MYOT: variants seen among roughly 807,000 people sequenced by gnomAD.
MYOT encodes 57 kDa cytoskeletal protein.
A neutral mutation model predicts 58.0 loss-of-function variants in MYOT; 36 were observed. The ratio of observed to expected loss-of-function variants is 0.62; its 90% CI spans 0.48 to 0.82. The LOEUF is 0.82. Among genes scored for constraint, MYOT ranks in the 40% least tolerant of loss-of-function variants. The pLI is 0.00. For synonymous variants in MYOT, 218 were observed against 204.6 expected (o/e 1.07, Z -0.56); for missense variants, 505 against 592.1 (o/e 0.85, Z 1.53).
At chr5:137,878,481 C>T (rs985185860) in intron 4 of MYOT, among the ~76,000 whole-genome samples, 3 of 152,050 alleles carry the variant, frequency 2.0e-5, no homozygotes, top group Admixed American at 6.6e-5. Flanking sequence ...TGAGCCACCA[C>T]GCCTGGCCTC....
chr5:137,871,209 T>TGTCC (rs1277725397), intron 2 of MYOT, among the ~76,000 whole-genome samples: 3 of 152,208 alleles, frequency 2.0e-5, no homozygotes, highest in African/African-American at 2.4e-5. Context: ...TATTCTCCAG[T>TGTCC]GTCCAAGCTG....
At chr5:137,885,983 C>T (rs931430739) in intron 7 of MYOT, 65 bp from the exon 8 acceptor site, 73 of 1,106,058 alleles carry the variant, frequency 6.6e-5, no homozygotes, top group Non-Finnish European at 4.1e-5. Flanking sequence ...TTCATAATAC[C>T]TTGGTTTGAT....
At chr5:137,874,353 G>C (rs2149981036) in intron 2 of MYOT, among the ~76,000 whole-genome samples, 1 of 152,264 alleles carries the variant, frequency 6.6e-6, no homozygotes, top group East Asian at 1.9e-4. Flanking sequence ...TGTAATCCCA[G>C]CTACTTGGGA....
intron 7 of MYOT, among the ~76,000 whole-genome samples, 187 bp from the exon 8 acceptor site, chr5:137,885,856 TCATTA>T (rs1755583194): frequency 1.4e-5 from 2 of 147,382 alleles, no homozygotes; most frequent in East Asian, 2.2e-4. Context: ...ATTCAATGCA[TCATTA>T]CATTAGAGTT....
chr5:137,886,679 G>A (rs1435435913), intron 8 of MYOT, 185 bp from the exon 9 acceptor site: 2 of 633,550 alleles, frequency 3.2e-6, no homozygotes, highest in Non-Finnish European at 5.8e-6. Flanking sequence ...AGATTGAAGA[G>A]CAGAGGGAGA....
chr5:137,869,404 A>C (rs1754970234), intron 1 of MYOT, among the ~76,000 whole-genome samples: 2 of 152,232 alleles, frequency 1.3e-5, no homozygotes, highest in African/African-American at 4.8e-5. Context: ...TGGAAAAAAA[A>C]TCAGAGACAA....
Position 137,870,561 on chromosome 5 carries a change from A to C in MYOT, c.-91A>C. The C allele has an allele frequency of 8.7e-7, 1 of 1,148,498 alleles. No homozygotes were observed. The allele number at this position is 1,148,498 out of a possible 1,614,324, so 71.1% of individuals were successfully genotyped here. A position where few individuals can be genotyped will look rare whatever the true frequency, so the allele number is the denominator to read the frequency against. ...ATTCCTTACAACCTTCCGTAATTCCAGGCTTGTGGCCCCAAATTCAGGGCC... is the reference window on the plus strand; with the variant it reads ...ATTCCTTACAACCTTCCGTAATTCCCGGCTTGTGGCCCCAAATTCAGGGCC... On this transcript the variant is annotated 5_prime_UTR_variant, in exon 2 of 10. Transcript: ENST00000239926.
intron 8 of MYOT, among the ~76,000 whole-genome samples, 154 bp downstream of exon 8, chr5:137,886,367 G>A (rs1351883473): frequency 6.6e-6 from 1 of 151,986 alleles, no homozygotes; most frequent in African/African-American, 2.4e-5. Context: ...AGATAAAAAT[G>A]TAAGAAAACT....
chr5:137,873,677 T>C (rs1327999978), intron 2 of MYOT, among the ~76,000 whole-genome samples: 2 of 152,314 alleles, frequency 1.3e-5, no homozygotes, highest in East Asian at 1.9e-4. Context: ...TTAAAAAACA[T>C]TTTGTTTGGC....
intron 6 of MYOT, 90 bp downstream of exon 6, chr5:137,882,195 AAGC>A: frequency 7.1e-6 from 10 of 1,414,216 alleles, no homozygotes; most frequent in Non-Finnish European, 1.0e-5. Context: ...ATAGCTTGCA[AAGC>A]AGTACGTACA....
rs1755502108 is a variant in MYOT, at chr5:137,883,456, A to G, written c.889A>G (p.Lys297Glu). Residue 297 changes from lysine (K) to glutamate (E), a missense_variant, in exon 7 of 10, where the codon AAA becomes GAA. By Grantham distance (56) the Lys-to-Glu change is moderately conservative. Transcript: ENST00000239926. ...AACAGTTCAATCAGATGATTTGCAC[A>G]AAATGATAGTGTCTGAGAAGGGTCT... ...GRTVQSDDLH[K>E]MIVSEKGLHS... is the part of the protein sequence containing the mutation. 2 of 1,614,046 alleles carry G rather than the reference A, an allele frequency of 1.2e-6. No individual in the cohort carries two copies. The highest frequency in any genetic ancestry group is 2.7e-5 in the African/African-American group (2 of 74,912).
intron 5 of MYOT, among the ~76,000 whole-genome samples, chr5:137,881,758 G>A (rs1755438260): frequency 6.6e-6 from 1 of 151,726 alleles, no homozygotes; most frequent in Admixed American, 6.6e-5. Context: ...GTGCAGCGAC[G>A]CGATCTCGGC....
chr5:137,883,189 A>C, intron 6 of MYOT, 195 bp from the exon 7 acceptor site: 2 of 583,416 alleles, frequency 3.4e-6, no homozygotes, highest in Non-Finnish European at 6.1e-6. Context: ...ACAGTCTAAA[A>C]ATACTATGTT....
At position 137,880,797 on chromosome 5, in the gene MYOT, A is replaced by T; in HGVS notation, c.634-19A>T. The T allele has an allele frequency of 1.2e-6, 2 of 1,600,216 alleles. No individual in the cohort carries two copies. The highest frequency in any genetic ancestry group is 1.7e-6 in the Non-Finnish European group (2 of 1,167,548). ...CTAACAATTGCATGTAAACATTCTT[A>T]CTTTGTTTTAATTTCAAGCAACACA... On this transcript the variant is annotated intron_variant, in intron 4 of 9. Transcript: ENST00000239926.
In MYOT at chr5:137,886,175, A is replaced by G. The variant is rs199541037; in HGVS notation, c.1152A>G (p.Arg384=). The change falls in exon 8 of 10, where the codon AGA becomes AGG. Residue 384 remains arginine, a synonymous_variant. Transcript: ENST00000239926. The stretch of plus-strand genomic sequence containing the variant: ...CTCCACCAAAGCTTTTCTGGAAAAG[A>G]AATAATGAAATGGTACAATTCAACA... The part of the protein sequence containing the change: ...AIPPPKLFWK[R]NNEMVQFNTD... 113 of 1,612,244 alleles carry G rather than the reference A, an allele frequency of 7.0e-5. No homozygotes were observed. The highest frequency in any genetic ancestry group is 9.2e-5 in the Non-Finnish European group (109 of 1,178,660).
intron 2 of MYOT, among the ~76,000 whole-genome samples, chr5:137,872,308 C>T (rs1755075856): frequency 6.6e-6 from 1 of 152,078 alleles, no homozygotes; most frequent in Admixed American, 6.6e-5. Context: ...GTTATATTTA[C>T]CCAGATGATC....
At position 137,883,185 on chromosome 5, in the gene MYOT, T is replaced by C. The variant is rs774572811; in HGVS notation, c.817-199T>C. On this transcript the variant is annotated intron_variant, in intron 6 of 9. Coordinates refer to ENST00000239926, the MANE Select transcript of MYOT (RefSeq NM_006790.3). The stretch of plus-strand genomic sequence containing the variant: ...AAAAGAGTTATGGTTTGAGACAGTC[T>C]AAAAATACTATGTTAATTTCAAGGA... 8 of 576,344 alleles carry C rather than the reference T, an allele frequency of 1.4e-5. No individual in the cohort carries two copies. The African/African-American group carries it at 1.5e-4, about 11-fold the overall frequency. The allele number at this position is 576,344 out of a possible 1,614,324, so 35.7% of individuals were successfully genotyped here. A position where few individuals can be genotyped will look rare whatever the true frequency, so the allele number is the denominator to read the frequency against.
intron 1 of MYOT, among the ~76,000 whole-genome samples, chr5:137,868,209 C>G (rs1323222338): frequency 2.0e-5 from 3 of 152,152 alleles, no homozygotes; most frequent in African/African-American, 4.8e-5. Flanking sequence ...AAAAGGGACA[C>G]TTGATCTGAT....
chr5:137,885,979 A>G, intron 7 of MYOT, 69 bp from the exon 8 acceptor site: 1 of 1,066,362 alleles, frequency 9.4e-7, no homozygotes, highest in Non-Finnish European at 1.4e-6. Context: ...AAATTTCATA[A>G]TACCTTGGTT....
Sources: gnomAD v4.1 joint callset for allele counts (sites outside exome capture counted in the v4.1 genomes callset) on GRCh38, gnomAD v4.1.1 for gene constraint, MANE v1.5 for transcripts, NCBI Gene and HGNC (gene_info 2026-07-23, HGNC 2026-07-21) for gene names.